DPP6: variants seen among roughly 807,000 people sequenced by gnomAD.
The protein encoded by DPP6 is dipeptidyl peptidase like 6, also known as A-type potassium channel modulatory protein DPP6.
Under a neutral mutation model 122.6 loss-of-function variants are expected in DPP6, and 69 were observed. That is an observed-to-expected ratio of 0.56 (90% CI 0.46 to 0.69). DPP6 has a LOEUF of 0.69. Ranked by LOEUF, DPP6 falls within the 30% of genes least tolerant of loss-of-function variation. The probability of loss-of-function intolerance (pLI) is 0.00; values close to 1 mark genes in which losing one functional copy is unlikely to be tolerated. For synonymous variants in DPP6, 418 were observed against 433.1 expected (o/e 0.97, Z 0.43); for missense variants, 928 against 1,116.9 (o/e 0.83, Z 2.41).
intron 1 of DPP6, among the ~76,000 whole-genome samples, chr7:154,294,823 G>T (rs1051195647): frequency 6.6e-6 from 1 of 152,196 alleles, no homozygotes; most frequent in Non-Finnish European, 1.5e-5. Flanking sequence ...CCACCCTGGT[G>T]TGTGTTCCCC....
chr7:154,681,690 G>A (rs181724025), intron 7 of DPP6, among the ~76,000 whole-genome samples: 200 of 152,316 alleles, frequency 1.3e-3, no homozygotes, highest in African/African-American at 3.7e-3. Flanking sequence ...CCGTTTGGGT[G>A]GAGGGAACAC....
At chr7:153,979,036 C>T (rs554138522) in intron 1 of DPP6, among the ~76,000 whole-genome samples, 1,740 of 151,870 alleles carry the variant, frequency 0.011, 21 homozygotes, top group African/African-American at 0.039. Context: ...GCTCTTTTTT[C>T]GGTTCCATAT....
intron 1 of DPP6, among the ~76,000 whole-genome samples, chr7:154,418,560 A>G (rs947225502): frequency 6.6e-6 from 1 of 152,174 alleles, no homozygotes; most frequent in Non-Finnish European, 1.5e-5. Context: ...CGGCTGGAAT[A>G]GCTGATGTCA....
chr7:153,827,063 A>G, the DPP6 span, among the ~76,000 whole-genome samples: 6 of 152,158 alleles, frequency 3.9e-5, no homozygotes, highest in Non-Finnish European at 8.8e-5. Flanking sequence ...ACCATGTTTG[A>G]AAAGAAAAAA....
chr7:153,887,454 C>T (rs1171095160), exon 1 of DPP6: 4 of 464,830 alleles, frequency 8.6e-6, no homozygotes, highest in African/African-American at 5.8e-5. Flanking sequence ...TTCTTTCTTT[C>T]TTTATTGGTA....
chr7:153,866,427 G>A, the DPP6 span, among the ~76,000 whole-genome samples: 1 of 152,126 alleles, frequency 6.6e-6, no homozygotes, highest in African/African-American at 2.4e-5. Flanking sequence ...TTTTTCATGT[G>A]TTTTTTGTCT....
chr7:154,660,577 C>G (rs1287525269), intron 6 of DPP6, among the ~76,000 whole-genome samples: 3 of 137,032 alleles, frequency 2.2e-5, no homozygotes, highest in Non-Finnish European at 4.7e-5. Context: ...GGCGTATCGG[C>G]CGTAGTGTTC....
intron 3 of DPP6, among the ~76,000 whole-genome samples, chr7:154,490,988 C>T (rs144959351): frequency 1.9e-4 from 29 of 152,288 alleles, no homozygotes; most frequent in African/African-American, 2.6e-4. Context: ...CCAGTGAACA[C>T]GCACGTGCGA....
intron 6 of DPP6, among the ~76,000 whole-genome samples, chr7:154,642,750 G>A (rs1420336270): frequency 6.6e-6 from 1 of 152,066 alleles, no homozygotes; most frequent in East Asian, 1.9e-4. Flanking sequence ...GGCCAACATG[G>A]TGAAACCCCA....
At chr7:153,879,279 G>A in the DPP6 span, among the ~76,000 whole-genome samples, 1 of 152,306 alleles carries the variant, frequency 6.6e-6, no homozygotes, top group South Asian at 2.1e-4. Context: ...GAAGCTGCAG[G>A]AATGTATAAT....
chr7:154,301,844 A>AC (rs1805930146), intron 1 of DPP6, among the ~76,000 whole-genome samples: 2 of 117,912 alleles, frequency 1.7e-5, no homozygotes, highest in Admixed American at 2.5e-4. Context: ...CCGGGCTGTC[A>AC]CCCAGCTCTG....
intron 16 of DPP6, among the ~76,000 whole-genome samples, chr7:154,807,446 C>T (rs928080299): frequency 3.3e-5 from 5 of 152,186 alleles, no homozygotes; most frequent in Non-Finnish European, 7.3e-5. Flanking sequence ...ATATCCTACA[C>T]AGTGATGAGC....
intron 1 of DPP6, among the ~76,000 whole-genome samples, chr7:154,337,625 A>G (rs529434121): frequency 7.2e-4 from 110 of 152,260 alleles, no homozygotes; most frequent in Non-Finnish European, 1.4e-3. Flanking sequence ...CTCCTTACCC[A>G]GGCAGGCAGC....
At chr7:153,928,416 T>TTTTTTG (rs1801020727) in intron 1 of DPP6, among the ~76,000 whole-genome samples, 1 of 130,450 alleles carries the variant, frequency 7.7e-6, no homozygotes, top group Non-Finnish European at 1.6e-5. Context: ...TTTTTTTTTT[T>TTTTTTG]TTTTTGGTAG....
chr7:154,808,046 A>C (rs1798809625), intron 16 of DPP6, among the ~76,000 whole-genome samples: 1 of 152,336 alleles, frequency 6.6e-6, no homozygotes, highest in East Asian at 1.9e-4. Flanking sequence ...TGGAAAGGTA[A>C]GTCATCCTAA....
At chr7:154,262,255 T>C (rs903578213) in intron 1 of DPP6, among the ~76,000 whole-genome samples, 2 of 152,120 alleles carry the variant, frequency 1.3e-5, no homozygotes, top group African/African-American at 4.8e-5. Context: ...CAGATTCATA[T>C]GTTGAAGAGC....
intron 7 of DPP6, among the ~76,000 whole-genome samples, chr7:154,700,737 A>C (rs1034987058): frequency 2.6e-5 from 4 of 150,954 alleles, no homozygotes; most frequent in Non-Finnish European, 5.9e-5. Context: ...CATCACACAC[A>C]CAGACCTCAT....
At chr7:154,838,811 T>G (rs1185257473) in intron 16 of DPP6, 1 of 152,272 alleles carries the variant, frequency 6.6e-6, no homozygotes, top group Non-Finnish European at 1.5e-5. Flanking sequence ...CACATCTGGT[T>G]GGCCGGTGGG....
At chr7:154,671,456 C>T (rs1452972188) in intron 7 of DPP6, among the ~76,000 whole-genome samples, 1 of 152,170 alleles carries the variant, frequency 6.6e-6, no homozygotes, top group African/African-American at 2.4e-5. Flanking sequence ...TCCACCATAC[C>T]TGCGGCCTCG....
Sources: allele counts gnomAD v4.1 joint callset (sites outside exome capture counted in the v4.1 genomes callset), GRCh38; gene constraint gnomAD v4.1.1; transcripts MANE v1.5; gene names NCBI Gene and HGNC (gene_info 2026-07-23, HGNC 2026-07-21).